SKIC3: variants seen among roughly 807,000 people sequenced by gnomAD.
The protein encoded by SKIC3 is SKI3 subunit of superkiller complex, also known as superkiller complex protein 3.
At chr5:95,464,665 G>A in the SKIC3 span, 1 of 1,613,132 alleles carries the variant, frequency 6.2e-7, no homozygotes, top group Non-Finnish European at 8.5e-7. Context: ...ATGAGTTTTG[G>A]CATTGTTTAC....
chr5:95,554,491 T>C, the SKIC3 span, among the ~76,000 whole-genome samples: 296 of 152,256 alleles, frequency 1.9e-3, no homozygotes, highest in African/African-American at 5.4e-3. Flanking sequence ...ACACAGCCCA[T>C]TTCCCCCTCC....
At chr5:95,509,230 C>T in the SKIC3 span, among the ~76,000 whole-genome samples, 1 of 152,028 alleles carries the variant, frequency 6.6e-6, no homozygotes, top group East Asian at 1.9e-4. Flanking sequence ...GATAACATTG[C>T]AATTGATGTA....
At chr5:95,523,462 G>C in the SKIC3 span, 1 of 1,189,064 alleles carries the variant, frequency 8.4e-7, no homozygotes, top group Non-Finnish European at 1.2e-6. Context: ...TCAAATTACA[G>C]TTTCAACAAT....
chr5:95,533,557 A>G, the SKIC3 span, among the ~76,000 whole-genome samples: 1 of 152,286 alleles, frequency 6.6e-6, no homozygotes, highest in South Asian at 2.1e-4. Flanking sequence ...CAGTTCCACA[A>G]ATTCCTGCAA....
At chr5:95,513,278 G>A in the SKIC3 span, 5 of 380,530 alleles carry the variant, frequency 1.3e-5, no homozygotes, top group East Asian at 2.7e-4. Flanking sequence ...CATGATCATA[G>A]CTCACTGTAT....
At chr5:95,490,763 G>A in the SKIC3 span, 1 of 1,008,026 alleles carries the variant, frequency 9.9e-7, no homozygotes, top group Non-Finnish European at 1.5e-6. Flanking sequence ...CTCCCAAAGT[G>A]CTGGGATTAC....
chr5:95,551,359 G>C, the SKIC3 span, among the ~76,000 whole-genome samples: 1 of 152,068 alleles, frequency 6.6e-6, no homozygotes, highest in Admixed American at 6.6e-5. Context: ...TCAGAACTAG[G>C]AAGTAAACAA....
chr5:95,535,013 C>T, the SKIC3 span, among the ~76,000 whole-genome samples: 2 of 152,116 alleles, frequency 1.3e-5, no homozygotes, highest in Admixed American at 6.6e-5. Flanking sequence ...TTTGTCTCTC[C>T]GTCTAAGAAA....
At chr5:95,481,360 C>T in the SKIC3 span, among the ~76,000 whole-genome samples, 1 of 152,114 alleles carries the variant, frequency 6.6e-6, no homozygotes, top group Non-Finnish European at 1.5e-5. Flanking sequence ...AGCTCTCTCT[C>T]TTGTCTGCCG....
chr5:95,509,885 T>C, the SKIC3 span, among the ~76,000 whole-genome samples: 2,026 of 152,314 alleles, frequency 0.013, 20 homozygotes, highest in Middle Eastern at 0.02. Flanking sequence ...TAATGTTTAA[T>C]AGTTATATTT....
chr5:95,500,341 T>C, the SKIC3 span, among the ~76,000 whole-genome samples: 15 of 152,328 alleles, frequency 9.8e-5, 1 homozygote, highest in Middle Eastern at 3.4e-3. Context: ...CAGTCCAGCA[T>C]AATTAGGCTT....
At chr5:95,515,264 C>T in the SKIC3 span, among the ~76,000 whole-genome samples, 7 of 152,174 alleles carry the variant, frequency 4.6e-5, no homozygotes, top group East Asian at 7.7e-4. Flanking sequence ...TATCTATTCC[C>T]CTTTTAGCTT....
chr5:95,476,843 T>G, the SKIC3 span, among the ~76,000 whole-genome samples: 1 of 152,180 alleles, frequency 6.6e-6, no homozygotes, highest in Admixed American at 6.5e-5. Context: ...AATTTCTTCA[T>G]CTGTCAAATA....
At chr5:95,528,122 G>T in the SKIC3 span, 1 of 1,613,768 alleles carries the variant, frequency 6.2e-7, no homozygotes, top group Non-Finnish European at 8.5e-7. Flanking sequence ...ACTGTTACCA[G>T]ACGCACCAAG....
the SKIC3 span, chr5:95,530,182 T>A: frequency 6.2e-7 from 1 of 1,613,708 alleles, no homozygotes; most frequent in Non-Finnish European, 8.5e-7. Flanking sequence ...TTTGAATCCA[T>A]TTCCACTAAT....
At chr5:95,478,639 T>C in the SKIC3 span, among the ~76,000 whole-genome samples, 1 of 152,198 alleles carries the variant, frequency 6.6e-6, no homozygotes, top group Admixed American at 6.5e-5. Context: ...AGCTGCCTAT[T>C]AGCAAATTGA....
chr5:95,527,409 C>T, the SKIC3 span, among the ~76,000 whole-genome samples: 1 of 152,130 alleles, frequency 6.6e-6, no homozygotes, highest in Non-Finnish European at 1.5e-5. Flanking sequence ...TTATGAAATA[C>T]AAAGCCCTTT....
the SKIC3 span, chr5:95,497,450 C>A: frequency 1.2e-6 from 2 of 1,613,484 alleles, no homozygotes; most frequent in Non-Finnish European, 1.7e-6. Flanking sequence ...TGCAACAACT[C>A]GAGACAACAG....
At chr5:95,467,901 G>T in the SKIC3 span, 4 of 1,613,614 alleles carry the variant, frequency 2.5e-6, no homozygotes, top group Non-Finnish European at 3.4e-6. Context: ...GCATATAAGT[G>T]TCTCAGTAGG....
Sources: gnomAD v4.1 joint callset for allele counts (sites outside exome capture counted in the v4.1 genomes callset) on GRCh38, gnomAD v4.1.1 for gene constraint, MANE v1.5 for transcripts, NCBI Gene and HGNC (gene_info 2026-07-23, HGNC 2026-07-21) for gene names.